Variants in CCDC178 observed in about 807,000 individuals in gnomAD.
CCDC178 encodes the protein coiled-coil domain-containing protein 178.
CCDC178 carries 126 observed loss-of-function variants against 117.4 expected under a neutral mutation model. The observed-to-expected ratio is 1.07, with a 90% confidence interval of 0.93 to 1.24. The LOEUF is 1.24. CCDC178 is among the 50% of genes most tolerant of loss of function. The pLI is 0.00. For missense variants in CCDC178, 1,030 were observed against 986.9 expected (o/e 1.04, Z -0.59); for synonymous variants, 283 against 313.4 (o/e 0.90, Z 1.02).
At chr18:33,160,360 T>C (rs772356857) in intron 20 of CCDC178, among the ~76,000 whole-genome samples, 7 of 152,182 alleles carry the variant, frequency 4.6e-5, no homozygotes, top group Non-Finnish European at 1.0e-4. Flanking sequence ...TATGTCTTTT[T>C]AGCCACGTTT....
chr18:33,020,435 A>T (rs1337679680), intron 21 of CCDC178, among the ~76,000 whole-genome samples: 1 of 152,202 alleles, frequency 6.6e-6, no homozygotes, highest in Non-Finnish European at 1.5e-5. Flanking sequence ...AGATTTATAC[A>T]TCACTGTTTT....
intron 21 of CCDC178, among the ~76,000 whole-genome samples, chr18:32,984,877 C>G (rs533588945): frequency 6.6e-6 from 1 of 151,860 alleles, no homozygotes; most frequent in East Asian, 1.9e-4. Context: ...CAGTCTTTTG[C>G]CCAAAAGTAA....
At chr18:33,251,132 C>T (rs771711744) in intron 14 of CCDC178, among the ~76,000 whole-genome samples, 4 of 150,548 alleles carry the variant, frequency 2.7e-5, no homozygotes, top group Non-Finnish European at 5.9e-5. Context: ...AGTTTTGCTA[C>T]AAAAAAAATA....
intron 14 of CCDC178, 78 bp from the exon 15 acceptor site, chr18:33,245,506 A>C (rs1171538812): frequency 3.2e-6 from 4 of 1,246,948 alleles, no homozygotes; most frequent in Non-Finnish European, 4.2e-6. Flanking sequence ...AAAAAGAATA[A>C]GATCATATTT....
chr18:33,286,741 T>A (rs2060102954), intron 12 of CCDC178, among the ~76,000 whole-genome samples: 1 of 152,154 alleles, frequency 6.6e-6, no homozygotes, highest in African/African-American at 2.4e-5. Context: ...TAAAAAATAA[T>A]TTTGTGTGTC....
chr18:32,964,143 T>G (rs2054763689), intron 22 of CCDC178, among the ~76,000 whole-genome samples: 2 of 152,056 alleles, frequency 1.3e-5, no homozygotes, highest in African/African-American at 4.8e-5. Flanking sequence ...ATTTTCTGAC[T>G]CTAACTTTTG....
At chr18:33,274,060 G>A (rs186547765) in intron 12 of CCDC178, among the ~76,000 whole-genome samples, 4 of 151,568 alleles carry the variant, frequency 2.6e-5, no homozygotes, top group Admixed American at 6.6e-5. Context: ...GAAAAAGAAC[G>A]GAATATAAAA....
chr18:33,193,960 C>G (rs532677994), intron 20 of CCDC178, among the ~76,000 whole-genome samples: 6 of 152,274 alleles, frequency 3.9e-5, no homozygotes, highest in Non-Finnish European at 8.8e-5. Flanking sequence ...TGGAGGAAGG[C>G]AGACAGGCAG....
intron 21 of CCDC178, among the ~76,000 whole-genome samples, chr18:33,091,457 C>T (rs2057464523): frequency 6.8e-6 from 1 of 147,302 alleles, no homozygotes. Flanking sequence ...TTGCCTCAGC[C>T]TCCTGAGTAA....
intron 20 of CCDC178, among the ~76,000 whole-genome samples, chr18:33,172,545 T>C (rs1182472620): frequency 6.6e-6 from 1 of 152,104 alleles, no homozygotes; most frequent in Non-Finnish European, 1.5e-5. Context: ...ACATTAGGCA[T>C]GCTATTTCCT....
intron 20 of CCDC178, among the ~76,000 whole-genome samples, chr18:33,148,265 A>T (rs974121879): frequency 2.6e-5 from 4 of 152,194 alleles, no homozygotes; most frequent in African/African-American, 9.6e-5. Flanking sequence ...CCACCAAAAA[A>T]ATATGAAAAC....
chr18:33,007,832 A>G (rs1329562390), intron 21 of CCDC178, among the ~76,000 whole-genome samples: 2 of 152,124 alleles, frequency 1.3e-5, no homozygotes, highest in Non-Finnish European at 2.9e-5. Flanking sequence ...ACCAGTAACT[A>G]CTTTGAAAAT....
chr18:32,952,581 G>A (rs904397430), intron 22 of CCDC178, among the ~76,000 whole-genome samples: 2 of 152,092 alleles, frequency 1.3e-5, no homozygotes, highest in African/African-American at 4.8e-5. Context: ...TCCCTCCTAG[G>A]CCTCCAGGCC....
chr18:32,993,446 CA>C (rs142179825), intron 21 of CCDC178, among the ~76,000 whole-genome samples: 12,089 of 152,220 alleles, frequency 0.079, 626 homozygotes, highest in African/African-American at 0.14. Flanking sequence ...AATAAGATTG[CA>C]AAACTGCCCT....
chr18:32,958,213 A>T (rs1233604305), intron 22 of CCDC178: 12 of 578,488 alleles, frequency 2.1e-5, no homozygotes, highest in Non-Finnish European at 3.8e-5. Context: ...TTTCCAAATC[A>T]TACTGGTTCT....
intron 2 of CCDC178, among the ~76,000 whole-genome samples, chr18:33,419,197 C>T (rs1429667195): frequency 2.2e-4 from 33 of 152,106 alleles, no homozygotes; most frequent in Admixed American, 2.2e-3. Context: ...AGAAAGGACA[C>T]CCTCTTCAAT....
In CCDC178 at chr18:33,409,838, T is replaced by G. The variant is rs141738190; in HGVS notation, c.58+2193A>C. Among the ~76,000 whole-genome samples, 367 of 152,310 alleles carry G rather than the reference T, an allele frequency of 2.4e-3. 2 individuals carry two copies. The highest frequency in any genetic ancestry group is 8.1e-3 in the African/African-American group (335 of 41,562). On this transcript the variant is annotated intron_variant, in intron 3 of 22. Coordinates refer to ENST00000383096, the MANE Select transcript of CCDC178 (RefSeq NM_001105528.4). ...TTAGCATTTCAAATATGGCTTTTAATGTCACTTAAATACAAAAGTCCTAAA... is the reference window on the plus strand; with the variant it reads ...TTAGCATTTCAAATATGGCTTTTAAGGTCACTTAAATACAAAAGTCCTAAA...
At chr18:33,232,113 A>C (rs1184937593) in intron 15 of CCDC178, among the ~76,000 whole-genome samples, 2 of 152,210 alleles carry the variant, frequency 1.3e-5, no homozygotes, top group Admixed American at 1.3e-4. Context: ...GCTTGGAAGA[A>C]GCCTGGAGCA....
At chr18:33,346,168 C>T (rs1339564955) in intron 9 of CCDC178, 43 bp downstream of exon 9, 2 of 1,399,592 alleles carry the variant, frequency 1.4e-6, no homozygotes, top group Non-Finnish European at 2.0e-6. Context: ...ATTATCTGTG[C>T]CCCCAACAGA....
Sources: allele counts gnomAD v4.1 joint callset (sites outside exome capture counted in the v4.1 genomes callset), GRCh38; gene constraint gnomAD v4.1.1; transcripts MANE v1.5; gene names NCBI Gene and HGNC (gene_info 2026-07-23, HGNC 2026-07-21).